Variants in ADARB2 observed in about 807,000 individuals in gnomAD.
ADARB2 encodes inactive double-stranded RNA-specific editase B2.
Under a neutral mutation model 62.2 loss-of-function variants are expected in ADARB2, and 25 were observed. That is an observed-to-expected ratio of 0.40 (90% CI 0.29 to 0.56). ADARB2 has a LOEUF of 0.56. Among genes scored for constraint, ADARB2 ranks in the 20% least tolerant of loss-of-function variants. ADARB2 has a pLI of 0.43. For missense variants in ADARB2, 1,071 were observed against 1,077.4 expected, an observed-to-expected ratio of 0.99 and a Z score of 0.08; for synonymous variants, 572 against 500.8, an observed-to-expected ratio of 1.14 and a Z score of -1.90.
chr10:1,629,581 C>T (rs1431827459), intron 1 of ADARB2, among the ~76,000 whole-genome samples: 1 of 145,208 alleles, frequency 6.9e-6, no homozygotes, highest in African/African-American at 2.5e-5. Flanking sequence ...CACTCAAGCC[C>T]CTCAGGTCGT....
chr10:1,265,594 C>A (rs1250905431), intron 4 of ADARB2, among the ~76,000 whole-genome samples: 1 of 136,940 alleles, frequency 7.3e-6, no homozygotes. Context: ...CACGCTCTCC[C>A]GGAAGACGGC....
At chr10:1,639,196 G>T (rs1588334027) in intron 1 of ADARB2, among the ~76,000 whole-genome samples, 2 of 152,364 alleles carry the variant, frequency 1.3e-5, no homozygotes, top group South Asian at 4.1e-4. Context: ...ACTGAGCCAG[G>T]AGGCTGACTG....
At chr10:1,250,937 C>T (rs191154060) in intron 4 of ADARB2, among the ~76,000 whole-genome samples, 42 of 152,254 alleles carry the variant, frequency 2.8e-4, no homozygotes, top group African/African-American at 9.1e-4. Context: ...TGACCCAACA[C>T]GTGCAGGAAT....
At chr10:1,239,721 C>T (rs1554747072) in intron 5 of ADARB2, among the ~76,000 whole-genome samples, 3 of 3,492 alleles carry the variant, frequency 8.6e-4, no homozygotes, top group Non-Finnish European at 1.9e-3. Flanking sequence ...TTTACTCCCC[C>T]CTCCCTCCCG....
intron 1 of ADARB2, among the ~76,000 whole-genome samples, chr10:1,438,587 T>G (rs1329150401): frequency 6.9e-6 from 1 of 145,862 alleles, no homozygotes; most frequent in African/African-American, 2.6e-5. Flanking sequence ...CTCCTGAGTC[T>G]CCTCAGCAGA....
In ADARB2 at chr10:1,477,463, C is replaced by T. The variant is rs1831417146; in HGVS notation, c.101-98303G>A. Among the ~76,000 whole-genome samples, 1 of 152,150 alleles carries T rather than the reference C, an allele frequency of 6.6e-6. No individual in the cohort carries two copies. The highest frequency in any genetic ancestry group is 6.5e-5 in the Admixed American group (1 of 15,272). The stretch of plus-strand genomic sequence containing the variant: ...TTCTTTGCAGACGGCCCCTTTTCTG[C>T]TGTGCTGCCCATTGCTTTCTTGCAA... On this transcript the variant is annotated intron_variant, in intron 1 of 9. Coordinates refer to ENST00000381312, the MANE Select transcript of ADARB2 (RefSeq NM_018702.4). This position sits in a 1 kb window ranked among gnomAD's most constrained non-coding sequence, Gnocchi z 4.5.
intron 6 of ADARB2, among the ~76,000 whole-genome samples, chr10:1,230,646 C>G (rs1212940260): frequency 6.6e-6 from 1 of 152,154 alleles, no homozygotes; most frequent in Non-Finnish European, 1.5e-5. Flanking sequence ...GCAGAGCCAG[C>G]TCTCTGAAGG....
At chr10:1,393,617 C>T (rs1189964517) in intron 1 of ADARB2, among the ~76,000 whole-genome samples, 2 of 152,156 alleles carry the variant, frequency 1.3e-5, no homozygotes, top group East Asian at 1.9e-4. Context: ...TGACAGGGCA[C>T]GGTTTTCACA....
chr10:1,643,931 A>G (rs1834006399), intron 1 of ADARB2, among the ~76,000 whole-genome samples: 2 of 152,152 alleles, frequency 1.3e-5, no homozygotes, highest in Admixed American at 1.3e-4. Flanking sequence ...ATGTGAAAGT[A>G]GGGCGGTGTG....
chr10:1,647,723 T>A (rs529148924), intron 1 of ADARB2, among the ~76,000 whole-genome samples: 1 of 152,114 alleles, frequency 6.6e-6, no homozygotes, highest in East Asian at 1.9e-4. Context: ...TGCATGTATG[T>A]GCATGCATAT....
chr10:1,498,479 A>G (rs1831721265), intron 1 of ADARB2, among the ~76,000 whole-genome samples: 1 of 152,118 alleles, frequency 6.6e-6, no homozygotes, highest in Admixed American at 6.5e-5. Context: ...GTGAAAATAC[A>G]CATGGCCTAT....
chr10:1,447,883 C>G (rs942795690), intron 1 of ADARB2, among the ~76,000 whole-genome samples: 7 of 152,140 alleles, frequency 4.6e-5, no homozygotes, highest in African/African-American at 1.7e-4. Flanking sequence ...TCCAGCTTCA[C>G]CCACGTTGCT....
At chr10:1,359,646 T>C (rs1048146897) in intron 3 of ADARB2, among the ~76,000 whole-genome samples, 17 of 152,318 alleles carry the variant, frequency 1.1e-4, no homozygotes, top group African/African-American at 3.8e-4. Context: ...AGACACACTA[T>C]TGCAGGTCTC....
At chr10:1,431,417 A>G (rs1047476352) in intron 1 of ADARB2, among the ~76,000 whole-genome samples, 5 of 152,210 alleles carry the variant, frequency 3.3e-5, no homozygotes, top group Admixed American at 2.6e-4. Context: ...CCACAGTGTT[A>G]AGACGCAGCT....
At chr10:1,661,934 T>C (rs983630844) in intron 1 of ADARB2, among the ~76,000 whole-genome samples, 3 of 152,068 alleles carry the variant, frequency 2.0e-5, no homozygotes, top group Admixed American at 2.0e-4. Flanking sequence ...TAAATCAGGC[T>C]GAAGAAAGGG....
chr10:1,283,210 C>T (rs947899559), intron 3 of ADARB2, among the ~76,000 whole-genome samples: 2 of 152,232 alleles, frequency 1.3e-5, no homozygotes, highest in African/African-American at 4.8e-5. Context: ...ACATGTCATA[C>T]ATGTGTAATA....
At chr10:1,558,802 C>T (rs1054604714) in intron 1 of ADARB2, among the ~76,000 whole-genome samples, 8 of 152,192 alleles carry the variant, frequency 5.3e-5, no homozygotes, top group African/African-American at 9.7e-5. Flanking sequence ...CATCTAAACT[C>T]GAATCCCACC....
At chr10:1,549,779 C>A (rs1413111677) in intron 1 of ADARB2, among the ~76,000 whole-genome samples, 2 of 152,112 alleles carry the variant, frequency 1.3e-5, no homozygotes, top group East Asian at 1.9e-4. Context: ...ACAACCCGAT[C>A]CCTGTTCAAG....
chr10:1,344,863 A>C (rs549892466), intron 3 of ADARB2, among the ~76,000 whole-genome samples: 2 of 152,328 alleles, frequency 1.3e-5, no homozygotes, highest in South Asian at 4.1e-4. Flanking sequence ...GGGTTGGGCC[A>C]GGCCCACACC....
Sources: gnomAD v4.1 joint callset for allele counts (sites outside exome capture counted in the v4.1 genomes callset) on GRCh38, gnomAD v4.1.1 for gene constraint, Gnocchi (gnomAD v3.1) non-coding constraint, MANE v1.5 for transcripts, NCBI Gene and HGNC (gene_info 2026-07-23, HGNC 2026-07-21) for gene names.